SOX5: variants seen among roughly 807,000 people sequenced by gnomAD.
The protein encoded by SOX5 is SRY-box transcription factor 5, also known as transcription factor SOX-5.
Under a neutral mutation model 92.0 loss-of-function variants are expected in SOX5, and 9 were observed. That is an observed-to-expected ratio of 0.10 (90% CI 0.06 to 0.17). The LOEUF is 0.17. SOX5 is among the 10% of genes least tolerant of loss of function. The pLI, the probability that SOX5 is intolerant of heterozygous loss-of-function variation, is 1.00. For missense variants in SOX5, 642 were observed against 944.5 expected, an observed-to-expected ratio of 0.68 and a Z score of 4.20; for synonymous variants, 344 against 336.3, an observed-to-expected ratio of 1.02 and a Z score of -0.25.
intron 3 of SOX5, among the ~76,000 whole-genome samples, chr12:24,249,689 T>C (rs1027386630): frequency 4.6e-5 from 7 of 152,188 alleles, no homozygotes; most frequent in African/African-American, 1.4e-4. Flanking sequence ...CAACATGCCA[T>C]TGATCAGCCA....
intron 1 of SOX5, among the ~76,000 whole-genome samples, chr12:24,448,935 G>C (rs1450799385): frequency 6.6e-6 from 1 of 151,894 alleles, no homozygotes; most frequent in Non-Finnish European, 1.5e-5. Context: ...ACCTCCCTCA[G>C]TCTTCCTCAT....
rs138973892 is a variant in SOX5, at chr12:23,729,869, T to C, written c.810+4815A>G. On this transcript the variant is annotated intron_variant, in intron 6 of 14. Transcript: ENST00000451604. The stretch of plus-strand genomic sequence containing the variant: ...TGCTGTAAAGAACCTTAAATTCCAC[T>C]AAGTATTATTGAAAAGGAGTAAGAA... 5.1e-3 allele frequency among the ~76,000 whole-genome samples: 775 copies of C among 152,290 alleles called. 7 individuals carry two copies. Among genetic ancestry groups the C allele is most frequent in the South Asian group, 0.019 (91 of 4,824 alleles).
intron 4 of SOX5, among the ~76,000 whole-genome samples, chr12:24,174,151 C>T (rs1954534797): frequency 6.6e-6 from 1 of 152,070 alleles, no homozygotes. Context: ...GTGTGCCCCA[C>T]CATACCTGGT....
At chr12:23,799,853 C>T (rs1380351089) in intron 3 of SOX5, among the ~76,000 whole-genome samples, 1 of 151,866 alleles carries the variant, frequency 6.6e-6, no homozygotes, top group Non-Finnish European at 1.5e-5. Flanking sequence ...ATTTTAACAA[C>T]TTATTTATTT....
rs563725504 is a variant in SOX5 at position 24,109,940 on chromosome 12, A to G, written c.-2+103403T>C. ...CAAATATGCCATAGCCATTAAATTT[A>G]CTTTAACGCTAATTTCATTAAAATT... On this transcript the variant is annotated intron_variant, in intron 4 of 4. Transcript: ENST00000446891. Among the ~76,000 whole-genome samples the G allele has an allele frequency of 6.6e-5, 10 of 152,346 alleles. No individual in the cohort carries two copies. In the South Asian group the frequency reaches 1.9e-3, roughly 28 times the overall value.
intron 4 of SOX5, among the ~76,000 whole-genome samples, chr12:24,161,746 A>T (rs1462176345): frequency 6.6e-6 from 1 of 152,076 alleles, no homozygotes; most frequent in Admixed American, 6.6e-5. Flanking sequence ...AGATTAACAA[A>T]GTTAATACAC....
At chr12:23,703,596 A>G (rs760839374) in intron 6 of SOX5, among the ~76,000 whole-genome samples, 2 of 152,030 alleles carry the variant, frequency 1.3e-5, no homozygotes, top group African/African-American at 2.4e-5. Context: ...AGTCAACTGC[A>G]GTGGAATGGA....
chr12:23,917,880 T>C (rs1000845935), intron 1 of SOX5, among the ~76,000 whole-genome samples: 1 of 152,142 alleles, frequency 6.6e-6, no homozygotes, highest in African/African-American at 2.4e-5. Context: ...TGTTGGGAAA[T>C]GGAAATTATA....
chr12:24,140,734 G>T (rs1264009680), intron 4 of SOX5, among the ~76,000 whole-genome samples: 1 of 151,902 alleles, frequency 6.6e-6, no homozygotes, highest in Admixed American at 6.6e-5. Context: ...ACTCCTAAAC[G>T]GTCTATAATT....
intron 2 of SOX5, among the ~76,000 whole-genome samples, chr12:24,304,905 A>G (rs183175006): frequency 6.6e-6 from 1 of 152,200 alleles, no homozygotes; most frequent in East Asian, 1.9e-4. Flanking sequence ...TTCCATTTCC[A>G]ATACCGCTGA....
intron 4 of SOX5, among the ~76,000 whole-genome samples, chr12:24,141,289 G>A (rs1950559347): frequency 6.6e-6 from 1 of 152,110 alleles, no homozygotes; most frequent in Admixed American, 6.5e-5. Context: ...CCTAAGTGTT[G>A]CAAAGTGTTA....
At chr12:24,232,051 C>T (rs1963504936) in intron 3 of SOX5, among the ~76,000 whole-genome samples, 1 of 152,116 alleles carries the variant, frequency 6.6e-6, no homozygotes, top group Non-Finnish European at 1.5e-5. Flanking sequence ...GGAACAATCA[C>T]TTTCTAAAAT....
intron 1 of SOX5, among the ~76,000 whole-genome samples, chr12:23,930,690 T>G (rs1241462971): frequency 6.6e-6 from 1 of 151,716 alleles, no homozygotes; most frequent in African/African-American, 2.4e-5. Context: ...TATTATTATC[T>G]CCTCTTCACA....
intron 2 of SOX5, among the ~76,000 whole-genome samples, chr12:24,364,490 C>G (rs1356737974): frequency 7.4e-6 from 1 of 135,696 alleles, no homozygotes; most frequent in East Asian, 2.3e-4. Flanking sequence ...TCAGCCAAAA[C>G]TGAACAACTT....
intron 2 of SOX5, among the ~76,000 whole-genome samples, chr12:24,291,857 ATT>A: frequency 6.6e-6 from 1 of 152,238 alleles, no homozygotes; most frequent in East Asian, 1.9e-4. Context: ...CACGACATGT[ATT>A]GAGTGTTGCC....
At chr12:23,740,833 G>A in intron 5 of SOX5, 34 bp downstream of exon 5, 3 of 1,565,046 alleles carry the variant, frequency 1.9e-6, no homozygotes, top group Non-Finnish European at 2.6e-6. Flanking sequence ...AGTAATGTCT[G>A]AGGAATATGA....
chr12:23,545,887 C>A (rs1006849016), intron 12 of SOX5, among the ~76,000 whole-genome samples: 18 of 148,052 alleles, frequency 1.2e-4, no homozygotes, highest in East Asian at 2.0e-4. Flanking sequence ...AAAAAAAAAA[C>A]AAAATTGCTG....
At chr12:24,395,772 A>G (rs1453237976) in intron 1 of SOX5, among the ~76,000 whole-genome samples, 3 of 152,176 alleles carry the variant, frequency 2.0e-5, no homozygotes, top group Admixed American at 2.0e-4. Context: ...GCCTTGTCAC[A>G]CCCCTGCTTC....
intron 1 of SOX5, among the ~76,000 whole-genome samples, chr12:23,933,829 G>A (rs1049280730): frequency 6.6e-6 from 1 of 151,406 alleles, no homozygotes; most frequent in African/African-American, 2.4e-5. Context: ...AGGTGGGAGT[G>A]CCCTCAATCT....
Sources: gnomAD v4.1 joint callset for allele counts (sites outside exome capture counted in the v4.1 genomes callset) on GRCh38, gnomAD v4.1.1 for gene constraint, MANE v1.5 for transcripts, NCBI Gene and HGNC (gene_info 2026-07-23, HGNC 2026-07-21) for gene names.